Variants in MSRA observed in about 807,000 individuals in gnomAD.
MSRA encodes mitochondrial peptide methionine sulfoxide reductase.
In MSRA, 54 loss-of-function variants were observed where a neutral mutation model predicts 31.3. The observed-to-expected ratio is 1.73, with a 90% CI of 1.39 to 2.17. The LOEUF is 2.17. Among genes scored for constraint, MSRA ranks in the 30% most tolerant of loss-of-function variants. MSRA has a pLI of 0.00. For missense variants in MSRA, 507 were observed against 300.9 expected, an observed-to-expected ratio of 1.69 and a Z score of -5.07; for synonymous variants, 169 against 116.5, an observed-to-expected ratio of 1.45 and a Z score of -2.90.
chr8:10,379,345 A>G (rs548141963), intron 5 of MSRA, among the ~76,000 whole-genome samples: 3 of 152,058 alleles, frequency 2.0e-5, no homozygotes, highest in African/African-American at 7.2e-5. Flanking sequence ...ACAGATACAG[A>G]ATCTGCAGGG....
chr8:10,406,748 C>G (rs1807842136), intron 5 of MSRA, among the ~76,000 whole-genome samples: 1 of 152,232 alleles, frequency 6.6e-6, no homozygotes, highest in Non-Finnish European at 1.5e-5. Context: ...CCAAAAAGTG[C>G]AATTTTCCAT....
intron 1 of MSRA, among the ~76,000 whole-genome samples, chr8:10,111,792 C>T (rs1800305888): frequency 6.6e-6 from 1 of 152,170 alleles, no homozygotes; most frequent in African/African-American, 2.4e-5. Flanking sequence ...TAGCTGGTAG[C>T]ATGCTATGTG....
intron 2 of MSRA, among the ~76,000 whole-genome samples, chr8:10,216,409 G>C (rs1037274174): frequency 2.7e-5 from 4 of 150,590 alleles, no homozygotes; most frequent in African/African-American, 9.8e-5. Flanking sequence ...TTAAAAAATT[G>C]TGGTAACAGA....
At chr8:10,365,953 C>T (rs138734545) in intron 5 of MSRA, among the ~76,000 whole-genome samples, 6 of 152,352 alleles carry the variant, frequency 3.9e-5, no homozygotes, top group Admixed American at 2.6e-4. Flanking sequence ...GGCTGCAGGA[C>T]GACCTTCATT....
At chr8:10,086,508 C>T (rs970881236) in intron 1 of MSRA, among the ~76,000 whole-genome samples, 1 of 152,114 alleles carries the variant, frequency 6.6e-6, no homozygotes, top group African/African-American at 2.4e-5. Flanking sequence ...TTTTTCTACC[C>T]TATATATGAA....
At chr8:10,383,897 G>A (rs1035468023) in intron 5 of MSRA, among the ~76,000 whole-genome samples, 2 of 152,130 alleles carry the variant, frequency 1.3e-5, no homozygotes, top group African/African-American at 4.8e-5. Context: ...AAGGATATTA[G>A]GGACGGGAAG....
chr8:10,278,883 A>C (rs1407309628), intron 3 of MSRA, among the ~76,000 whole-genome samples: 1 of 152,116 alleles, frequency 6.6e-6, no homozygotes, highest in Non-Finnish European at 1.5e-5. Flanking sequence ...TCTTTCAAAG[A>C]TTTTTGGAGC....
chr8:10,187,378 A>G (rs989421611), intron 1 of MSRA, among the ~76,000 whole-genome samples: 3 of 152,224 alleles, frequency 2.0e-5, no homozygotes, highest in African/African-American at 7.2e-5. Context: ...TGGAGATTTA[A>G]TGAGGAACTT....
chr8:10,121,642 A>G (rs1801116058), intron 1 of MSRA, among the ~76,000 whole-genome samples: 1 of 151,766 alleles, frequency 6.6e-6, no homozygotes, highest in African/African-American at 2.4e-5. Flanking sequence ...GGCACCTGCT[A>G]TGTTTTCTTT....
At chr8:10,081,830 G>A (rs980108429) in intron 1 of MSRA, among the ~76,000 whole-genome samples, 15 of 152,228 alleles carry the variant, frequency 9.9e-5, no homozygotes, top group African/African-American at 3.1e-4. Flanking sequence ...ACCCAGATTC[G>A]AAGCGGGGAC....
chr8:10,224,999 G>C (rs996927919), intron 2 of MSRA, among the ~76,000 whole-genome samples: 1 of 152,162 alleles, frequency 6.6e-6, no homozygotes, highest in Non-Finnish European at 1.5e-5. Flanking sequence ...TAAGCTGGCC[G>C]TGGTGGCGCA....
intron 2 of MSRA, among the ~76,000 whole-genome samples, chr8:10,217,754 C>T (rs1046434062): frequency 6.6e-5 from 10 of 152,166 alleles, no homozygotes; most frequent in African/African-American, 2.2e-4. Context: ...GGATTTTTTA[C>T]ACCTAAAATA....
At chr8:10,096,287 A>G in intron 1 of MSRA, 2 of 1,140,200 alleles carry the variant, frequency 1.8e-6, no homozygotes, top group Non-Finnish European at 1.1e-6. Flanking sequence ...AGCTGAAGAC[A>G]CCAGACTTCG....
chr8:10,163,132 G>A (rs1162651095), intron 1 of MSRA, among the ~76,000 whole-genome samples: 1 of 152,182 alleles, frequency 6.6e-6, no homozygotes, highest in South Asian at 2.1e-4. Context: ...CTGTAGTCCA[G>A]AAGCGGGCTT....
At chr8:10,108,339 C>T (rs1247040368) in intron 1 of MSRA, among the ~76,000 whole-genome samples, 1 of 152,156 alleles carries the variant, frequency 6.6e-6, no homozygotes, top group Middle Eastern at 3.2e-3. Context: ...GTTGAGCCCT[C>T]ATTAGGTGGG....
intron 1 of MSRA, among the ~76,000 whole-genome samples, chr8:10,069,426 G>A (rs1423818767): frequency 4.6e-5 from 7 of 152,184 alleles, no homozygotes; most frequent in African/African-American, 7.2e-5. Flanking sequence ...TCGTCCATTC[G>A]TGTTGTGATA....
chr8:10,163,364 A>C (rs1804833806), intron 1 of MSRA, among the ~76,000 whole-genome samples: 1 of 152,076 alleles, frequency 6.6e-6, no homozygotes, highest in African/African-American at 2.4e-5. Context: ...CTCTTTCTAA[A>C]CGGCACCCAC....
chr8:10,367,906 C>G (rs1443832197), intron 5 of MSRA, among the ~76,000 whole-genome samples: 1 of 152,176 alleles, frequency 6.6e-6, no homozygotes. Context: ...AGACTCTGCT[C>G]GTTTGTCCGT....
At chr8:10,198,895 A>G (rs1808232147) in intron 1 of MSRA, among the ~76,000 whole-genome samples, 1 of 152,166 alleles carries the variant, frequency 6.6e-6, no homozygotes, top group African/African-American at 2.4e-5. Context: ...ATTAGATTGT[A>G]GCGTTTCATG....
Sources: gnomAD v4.1 joint callset for allele counts (sites outside exome capture counted in the v4.1 genomes callset) on GRCh38, gnomAD v4.1.1 for gene constraint, MANE v1.5 for transcripts, NCBI Gene and HGNC (gene_info 2026-07-23, HGNC 2026-07-21) for gene names.